The following UIMC1 variants were observed in gnomAD, a reference collection of about 807,000 sequenced individuals.
UIMC1 encodes ubiquitin interaction motif containing 1.
In UIMC1, 42 loss-of-function variants were observed where a neutral mutation model predicts 84.9. That is an observed-to-expected ratio of 0.49 (90% confidence interval 0.39 to 0.64). UIMC1 has a LOEUF of 0.64. Among genes scored for constraint, UIMC1 ranks in the 30% least tolerant of loss-of-function variants. The pLI is 0.00. For synonymous variants in UIMC1, 281 were observed against 293.0 expected, an observed-to-expected ratio of 0.96 and a Z score of 0.42; for missense variants, 825 against 847.6, an observed-to-expected ratio of 0.97 and a Z score of 0.33.
At chr5:176,919,107 C>G (rs1336504932) in intron 10 of UIMC1, 2 of 291,878 alleles carry the variant, frequency 6.9e-6, no homozygotes, top group African/African-American at 2.3e-5. Context: ...TATAACTTCA[C>G]TGAGATATAT....
At position 176,970,739 on chromosome 5, in the gene UIMC1, T is replaced by C. The variant is rs1424110102; in HGVS notation, c.357+3A>G. The C allele has an allele frequency of 1.9e-6, 3 of 1,614,116 alleles. No homozygotes were observed. The East Asian group carries it at 6.7e-5, about 36-fold the overall frequency. ...ACAAACTTTTGCAACATGGCATATT[T>C]ACATTCAGGCTTTCAGCAATGGCTT... On this transcript the variant is annotated splice_donor_region_variant and intron_variant, in intron 4 of 14. Coordinates refer to ENST00000511320, the MANE Select transcript of UIMC1 (RefSeq NM_001199298.2).
chr5:176,958,241 G>A (rs1265497645), intron 6 of UIMC1, 87 bp from the exon 7 acceptor site: 2 of 1,112,102 alleles, frequency 1.8e-6, no homozygotes, highest in African/African-American at 1.6e-5. Flanking sequence ...ATTGTTCAAT[G>A]TTCTCCCTCA....
chr5:176,930,707 T>G (rs1762974273), intron 10 of UIMC1, among the ~76,000 whole-genome samples: 1 of 152,216 alleles, frequency 6.6e-6, no homozygotes, highest in African/African-American at 2.4e-5. Context: ...AGAAAACTCC[T>G]TAGAGATCAG....
chr5:176,957,952 T>C lies in UIMC1; in HGVS notation c.1262+141A>G, dbSNP rs534512146. ...ACATCTGAGAACTTAGAGATACTAA[T>C]AAAATTTCTCCTAGTCTTCACTTAT... On this transcript the variant is annotated intron_variant, in intron 7 of 14. Transcript: ENST00000511320. 1.1e-4 allele frequency: 64 copies of C among 585,606 alleles called. 1 individual carries two copies. The African/African-American group carries it at 1.2e-3, about 11-fold the overall frequency. 36.3% of individuals were successfully genotyped at this position (585,606 alleles called of 1,614,324 possible).
At chr5:176,948,854 C>G (rs535128091) in intron 9 of UIMC1, among the ~76,000 whole-genome samples, 17 of 152,284 alleles carry the variant, frequency 1.1e-4, no homozygotes, top group Non-Finnish European at 2.2e-4. Flanking sequence ...GACAAATGAC[C>G]TACACAGATC....
chr5:176,960,689 G>C (rs1196505940), intron 6 of UIMC1, among the ~76,000 whole-genome samples: 5 of 74,308 alleles, frequency 6.7e-5, no homozygotes, highest in Non-Finnish European at 7.2e-5. Context: ...CCTCTCATGC[G>C]GAGCCGAAGC....
intron 10 of UIMC1, 94 bp downstream of exon 10, chr5:176,943,241 G>T: frequency 2.1e-6 from 3 of 1,422,676 alleles, no homozygotes; most frequent in South Asian, 3.3e-5. Context: ...TAACTTTGAA[G>T]AACAGCTATG....
intron 10 of UIMC1, among the ~76,000 whole-genome samples, chr5:176,925,472 T>C (rs1468914449): frequency 6.6e-6 from 1 of 152,198 alleles, no homozygotes; most frequent in Non-Finnish European, 1.5e-5. Flanking sequence ...TTCCTAGCTA[T>C]TTATTCAAAA....
In UIMC1 at chr5:176,992,214, T is replaced by C. The variant is rs944139078; in HGVS notation, c.-8-9591A>G. Among the ~76,000 whole-genome samples the C allele has an allele frequency of 2.6e-5, 4 of 152,200 alleles. No individual in the cohort carries two copies. In the East Asian group the frequency reaches 5.8e-4, roughly 22 times the overall value. ...GCCCTTAAAGAATCTATAGATTGGC[T>C]TCAGGGGATTAACTAAAATTGTGTG... On this transcript the variant is annotated intron_variant, in intron 1 of 14. Transcript: ENST00000511320.
chr5:176,944,983 A>G (rs891331794), intron 9 of UIMC1, among the ~76,000 whole-genome samples: 1 of 152,220 alleles, frequency 6.6e-6, no homozygotes, highest in African/African-American at 2.4e-5. Context: ...GGGGAAACTG[A>G]GGCTTGGAAA....
chr5:177,003,322 T>C (rs1263579092), intron 1 of UIMC1, among the ~76,000 whole-genome samples: 3 of 152,120 alleles, frequency 2.0e-5, no homozygotes, highest in East Asian at 1.9e-4. Context: ...AATTGTAATA[T>C]AAAAGGATAT....
At chr5:176,933,305 T>C (rs972295550) in intron 10 of UIMC1, among the ~76,000 whole-genome samples, 1 of 152,180 alleles carries the variant, frequency 6.6e-6, no homozygotes, top group Non-Finnish European at 1.5e-5. Context: ...AAACAAAAAA[T>C]GTCAACTTCA....
intron 7 of UIMC1, 135 bp from the exon 8 acceptor site, chr5:176,956,170 G>C (rs1463924894): frequency 5.9e-6 from 4 of 677,866 alleles, no homozygotes; most frequent in African/African-American, 1.8e-5. Context: ...AAGCACAATA[G>C]GAAAGCAAGG....
chr5:176,975,737 T>C (rs1488581127), intron 2 of UIMC1, among the ~76,000 whole-genome samples: 1 of 152,242 alleles, frequency 6.6e-6, no homozygotes, highest in East Asian at 1.9e-4. Flanking sequence ...AAAACTAGTC[T>C]ATCTCTAAAA....
At chr5:176,978,820 C>T (rs1770554688) in intron 2 of UIMC1, among the ~76,000 whole-genome samples, 1 of 152,112 alleles carries the variant, frequency 6.6e-6, no homozygotes, top group African/African-American at 2.4e-5. Flanking sequence ...CCTAAAACCA[C>T]TACTAGTAAA....
chr5:176,982,479 C>G lies in UIMC1; in HGVS notation c.137G>C (p.Ser46Thr), dbSNP rs781025660. 6.2e-7 allele frequency: 1 copy of G among 1,613,616 alleles called. No homozygotes were observed. The highest frequency in any genetic ancestry group is 8.5e-7 in the Non-Finnish European group (1 of 1,179,910). Reference protein sequence around the residue: ...LEDAFIVISDSDGEEPKEENG... With the variant: ...LEDAFIVISDTDGEEPKEENG... ...CTCTACTTCACTAACCTCTCCATCA[C>G]TATCGGATATCACAATGAATGCATC... The change falls in exon 2 of 15, where the codon AGT (serine) becomes ACT (threonine). Residue 46 changes from serine to threonine, a missense_variant. By Grantham distance (58) the Ser-to-Thr change is moderately conservative (BLOSUM62 1). Coordinates refer to ENST00000511320, the MANE Select transcript of UIMC1 (RefSeq NM_001199298.2).
chr5:176,908,700 C>A lies in UIMC1; in HGVS notation c.1677-6G>T, dbSNP rs1447414523. The A allele has an allele frequency of 1.2e-6, 2 of 1,604,804 alleles. No individual in the cohort carries two copies. The highest frequency in any genetic ancestry group is 2.2e-5 in the South Asian group (2 of 89,724). On this transcript the variant is annotated splice_polypyrimidine_tract_variant and splice_region_variant and intron_variant, in intron 11 of 14. Transcript: ENST00000511320. ...AGAGGTAACACTTCTCATTCCTATC[C>A]AATAAGAAAAAAGGAAGAAAACACA...
chr5:176,969,756 T>C, intron 4 of UIMC1, 50 bp from the exon 5 acceptor site: 2 of 1,535,184 alleles, frequency 1.3e-6, no homozygotes, highest in Non-Finnish European at 9.0e-7. Context: ...AAAATAACTA[T>C]ATATGAAGGG....
intron 2 of UIMC1, among the ~76,000 whole-genome samples, 159 bp from the exon 3 acceptor site, chr5:176,975,639 G>A (rs1309429335): frequency 6.6e-6 from 1 of 152,016 alleles, no homozygotes; most frequent in East Asian, 1.9e-4. Context: ...GTACAAAAGG[G>A]AAAACATAAG....
Sources: allele counts gnomAD v4.1 joint callset (sites outside exome capture counted in the v4.1 genomes callset), GRCh38; gene constraint gnomAD v4.1.1; transcripts MANE v1.5; gene names NCBI Gene and HGNC (gene_info 2026-07-23, HGNC 2026-07-21).